N4BP2L2: variants seen among roughly 807,000 people sequenced by gnomAD.
N4BP2L2 encodes NEDD4-binding protein 2-like 2.
In N4BP2L2, 50 loss-of-function variants were observed where a neutral mutation model predicts 56.2. The ratio of observed to expected loss-of-function variants is 0.89; its 90% confidence interval spans 0.71 to 1.13. The LOEUF (loss-of-function observed/expected upper bound fraction) is 1.13, where lower values mean the gene tolerates loss of function less well. Ranked by LOEUF, N4BP2L2 falls within the 50% of genes most tolerant of loss-of-function variation. N4BP2L2 has a pLI of 0.00. For synonymous variants in N4BP2L2, 203 were observed against 223.6 expected, an observed-to-expected ratio of 0.91 and a Z score of 0.82; for missense variants, 689 against 693.8, an observed-to-expected ratio of 0.99 and a Z score of 0.08.
intron 6 of N4BP2L2, among the ~76,000 whole-genome samples, chr13:32,457,585 T>G (rs2079181750): frequency 6.6e-6 from 1 of 152,156 alleles, no homozygotes; most frequent in Non-Finnish European, 1.5e-5. Flanking sequence ...TTCAAAGTGC[T>G]GAAAGAAAAA....
At chr13:32,445,574 A>G (rs542095495) in intron 6 of N4BP2L2, among the ~76,000 whole-genome samples, 49 of 152,354 alleles carry the variant, frequency 3.2e-4, no homozygotes, top group African/African-American at 1.1e-3. Context: ...CATGCTGCTA[A>G]TTGCCCAGAT....
At chr13:32,476,726 G>C (rs1488273295) in intron 6 of N4BP2L2, among the ~76,000 whole-genome samples, 1 of 152,094 alleles carries the variant, frequency 6.6e-6, no homozygotes, top group African/African-American at 2.4e-5. Flanking sequence ...AGCAAAAACA[G>C]ACCTGAAGTA....
chr13:32,536,283 T>A, exon 2 of N4BP2L2: 1 of 1,613,750 alleles, frequency 6.2e-7, no homozygotes, highest in African/African-American at 1.3e-5. Context: ...ACTTGTCCAT[T>A]ACAGGGATAT....
At chr13:32,476,461 A>G (rs527458958) in intron 6 of N4BP2L2, among the ~76,000 whole-genome samples, 20 of 152,278 alleles carry the variant, frequency 1.3e-4, no homozygotes, top group African/African-American at 4.6e-4. Flanking sequence ...ACATCTAAGG[A>G]TCTGGAACTA....
intron 6 of N4BP2L2, among the ~76,000 whole-genome samples, chr13:32,502,006 T>C (rs1436635603): frequency 1.3e-5 from 2 of 152,036 alleles, no homozygotes; most frequent in Non-Finnish European, 2.9e-5. Context: ...AATATATCTT[T>C]GATAAATTCG....
At chr13:32,536,959 A>G (rs199783595) in exon 2 of N4BP2L2, 2 of 1,613,270 alleles carry the variant, frequency 1.2e-6, no homozygotes, top group East Asian at 2.2e-5. Flanking sequence ...TCAATTTTTT[A>G]CAGCGTGGCT....
At chr13:32,492,104 A>G (rs1441802482) in intron 6 of N4BP2L2, among the ~76,000 whole-genome samples, 1 of 152,156 alleles carries the variant, frequency 6.6e-6, no homozygotes, top group Admixed American at 6.5e-5. Flanking sequence ...GAAAACTATC[A>G]GAAAAGAAAA....
At chr13:32,520,147 A>G (rs2139993746) in intron 5 of N4BP2L2, among the ~76,000 whole-genome samples, 1 of 152,340 alleles carries the variant, frequency 6.6e-6, no homozygotes, top group Middle Eastern at 3.4e-3. Context: ...CCCCATACAC[A>G]GAGTAACAGC....
At chr13:32,503,060 C>A (rs868346092) in intron 6 of N4BP2L2, among the ~76,000 whole-genome samples, 1 of 149,898 alleles carries the variant, frequency 6.7e-6, no homozygotes, top group Non-Finnish European at 1.5e-5. Flanking sequence ...GTAATCCCAG[C>A]GACTCGGGAG....
chr13:32,445,397 T>C (rs1182228003), intron 6 of N4BP2L2, among the ~76,000 whole-genome samples: 1 of 152,262 alleles, frequency 6.6e-6, no homozygotes, highest in Non-Finnish European at 1.5e-5. Context: ...CATGACTATA[T>C]ACATAAAACC....
intron 6 of N4BP2L2, chr13:32,480,674 A>G (rs1170597850): frequency 8.2e-7 from 1 of 1,225,352 alleles, no homozygotes; most frequent in Non-Finnish European, 1.1e-6. Flanking sequence ...GTGCTTCACA[A>G]CTTTTAAAGT....
At chr13:32,443,062 ATCCTTTTCTTCC>A (rs769175855) in exon 7 of N4BP2L2, 7 of 1,607,080 alleles carry the variant, frequency 4.4e-6, no homozygotes, top group African/African-American at 2.7e-5. Flanking sequence ...CAAATTGAAA[ATCCTTTTCTTCC>A]TCCTTTTCTT....
intron 6 of N4BP2L2, among the ~76,000 whole-genome samples, chr13:32,444,365 AGCAATTCTCCT>A (rs2076724558): frequency 6.6e-6 from 1 of 152,166 alleles, no homozygotes; most frequent in Non-Finnish European, 1.5e-5. Context: ...CCCGGGTTCA[AGCAATTCTCCT>A]GCCTCATCCT....
At chr13:32,521,473 CA>C in intron 4 of N4BP2L2, 24 bp from the exon 5 acceptor site, 1 of 1,532,924 alleles carries the variant, frequency 6.5e-7, no homozygotes, top group Non-Finnish European at 8.9e-7. Flanking sequence ...AGGAAGAAAA[CA>C]AAAACCCAGA....
At chr13:32,521,697 T>A (rs2050975378) in intron 4 of N4BP2L2, 1 of 363,444 alleles carries the variant, frequency 2.8e-6, no homozygotes, top group Non-Finnish European at 4.9e-6. Flanking sequence ...AATATGAGGC[T>A]GGGCGTGGTG....
At chr13:32,434,447 TA>T (rs1303202238) in intron 9 of N4BP2L2, among the ~76,000 whole-genome samples, 20 of 152,168 alleles carry the variant, frequency 1.3e-4, no homozygotes, top group African/African-American at 4.6e-4. Context: ...AATCCTCATT[TA>T]AAAGATAAAA....
chr13:32,470,902 A>T (rs748116311), intron 6 of N4BP2L2, among the ~76,000 whole-genome samples: 1 of 152,178 alleles, frequency 6.6e-6, no homozygotes, highest in Non-Finnish European at 1.5e-5. Context: ...ACATCCTCCC[A>T]TTCTTAATAG....
In N4BP2L2 at chr13:32,446,732, C is replaced by CA. The variant is rs550490980; in HGVS notation, c.366-2607dup. Among the ~76,000 whole-genome samples, 371 of 152,156 alleles carry CA rather than the reference C, an allele frequency of 2.4e-3. 2 individuals are homozygous for CA. The highest frequency in any genetic ancestry group is 8.1e-3 in the African/African-American group (335 of 41,514). ...CCAAAATGTTTATAATTCCATATAC[C>CA]AGCAGAAAGACTAAGGTCTACAATT... On this transcript the variant is annotated intron_variant, in intron 6 of 9. Transcript: ENST00000357505.
At chr13:32,504,735 A>G (rs1034653386) in intron 6 of N4BP2L2, 6 of 152,136 alleles carry the variant, frequency 3.9e-5, no homozygotes, top group African/African-American at 9.7e-5. Context: ...TCTCATCTAA[A>G]TATCATTTAG....
Sources: gnomAD v4.1 joint callset for allele counts (sites outside exome capture counted in the v4.1 genomes callset) on GRCh38, gnomAD v4.1.1 for gene constraint, MANE v1.5 for transcripts, NCBI Gene and HGNC (gene_info 2026-07-23, HGNC 2026-07-21) for gene names.